The following CHCT1 variants were observed in gnomAD, a reference collection of about 807,000 sequenced individuals.
The protein encoded by CHCT1 is CHD1 helical C-terminal domain containing 1.
At chr17:60,427,602 C>A in the CHCT1 span, among the ~76,000 whole-genome samples, 3 of 151,988 alleles carry the variant, frequency 2.0e-5, no homozygotes, top group African/African-American at 7.3e-5. Context: ...TTAGTAGAAA[C>A]GAGGTTTCAC....
the CHCT1 span, chr17:60,426,207 A>T: frequency 6.4e-7 from 1 of 1,551,780 alleles, no homozygotes; most frequent in Non-Finnish European, 8.7e-7. Flanking sequence ...CGAAAGTTGC[A>T]CCTGCCCAGG....
the CHCT1 span, among the ~76,000 whole-genome samples, chr17:60,422,993 C>G: frequency 2.0e-5 from 3 of 152,032 alleles, no homozygotes; most frequent in African/African-American, 7.3e-5. Context: ...GTCCCATCTC[C>G]TCTCCATGCA....
chr17:60,430,973 C>T, the CHCT1 span, among the ~76,000 whole-genome samples: 1 of 152,310 alleles, frequency 6.6e-6, no homozygotes, highest in East Asian at 1.9e-4. Flanking sequence ...TACCCTGGAC[C>T]TGGGTGACAG....
the CHCT1 span, among the ~76,000 whole-genome samples, chr17:60,424,727 G>A: frequency 6.6e-6 from 1 of 152,048 alleles, no homozygotes; most frequent in Non-Finnish European, 1.5e-5. Context: ...TACAAAATTA[G>A]CCAGGCGTTG....
chr17:60,431,277 T>A, the CHCT1 span: 3 of 1,586,198 alleles, frequency 1.9e-6, no homozygotes, highest in East Asian at 2.3e-5. Context: ...GAAGACCAAC[T>A]GGGACAAAGG....
At chr17:60,425,610 G>C in the CHCT1 span, among the ~76,000 whole-genome samples, 7 of 152,232 alleles carry the variant, frequency 4.6e-5, no homozygotes, top group Non-Finnish European at 4.4e-5. Flanking sequence ...TCTAAGCAGA[G>C]ATTTTCAGAG....
the CHCT1 span, chr17:60,429,213 A>C: frequency 1.2e-6 from 1 of 805,852 alleles, no homozygotes; most frequent in Non-Finnish European, 1.9e-6. Context: ...TTTCTCTCCC[A>C]CATCTGTGAT....
chr17:60,421,950 A>C, the CHCT1 span: 3 of 985,324 alleles, frequency 3.0e-6, no homozygotes, highest in Non-Finnish European at 3.6e-6. Flanking sequence ...GGGGAGGGTT[A>C]CAGAGCCCGT....
At chr17:60,421,432 C>A in the CHCT1 span, 1 of 985,578 alleles carries the variant, frequency 1.0e-6, no homozygotes, top group Non-Finnish European at 1.2e-6. Context: ...AGGGGAGGCC[C>A]GGGCCGACGG....
At chr17:60,421,700 C>T in the CHCT1 span, 1 of 813,218 alleles carries the variant, frequency 1.2e-6, no homozygotes, top group Non-Finnish European at 1.5e-6. Context: ...TCCTGAGCAC[C>T]TCCCGGCCCT....
At chr17:60,424,874 A>G in the CHCT1 span, among the ~76,000 whole-genome samples, 351 of 152,002 alleles carry the variant, frequency 2.3e-3, 2 homozygotes, top group African/African-American at 8.3e-3. Context: ...AAAAAAAAAA[A>G]GGAATTCCAT....
chr17:60,429,328 C>T, the CHCT1 span: 1 of 1,594,174 alleles, frequency 6.3e-7, no homozygotes, highest in Non-Finnish European at 8.6e-7. Context: ...CCCCTCTTCT[C>T]AACACTCTCC....
chr17:60,423,396 T>C, the CHCT1 span, among the ~76,000 whole-genome samples: 1 of 152,078 alleles, frequency 6.6e-6, no homozygotes, highest in Non-Finnish European at 1.5e-5. Flanking sequence ...TTTCGCCATG[T>C]TGGCCAGGCT....
At chr17:60,426,081 C>G in the CHCT1 span, 5 of 1,453,480 alleles carry the variant, frequency 3.4e-6, no homozygotes, top group South Asian at 1.3e-5. Flanking sequence ...GCGGCCAGAC[C>G]GGTGTGCTGG....
At chr17:60,421,788 G>C in the CHCT1 span, 55 of 941,886 alleles carry the variant, frequency 5.8e-5, no homozygotes, top group Non-Finnish European at 6.7e-5. Flanking sequence ...GAGGGCTCGC[G>C]GGTAGGAAGA....
At chr17:60,430,122 C>CCT in the CHCT1 span, among the ~76,000 whole-genome samples, 1 of 64,316 alleles carries the variant, frequency 1.6e-5, no homozygotes, top group African/African-American at 3.5e-5. Context: ...ACGCACCTGG[C>CCT]TTTTTTTTTT....
chr17:60,431,336 G>A, the CHCT1 span: 1 of 1,063,758 alleles, frequency 9.4e-7, no homozygotes. Context: ...ACCAAAAAGG[G>A]AAAAGAATTG....
the CHCT1 span, chr17:60,431,166 C>T: frequency 6.4e-7 from 1 of 1,555,916 alleles, no homozygotes; most frequent in Non-Finnish European, 8.8e-7. Context: ...CTGTCTCTGA[C>T]CTTCTCTTTT....
the CHCT1 span, chr17:60,426,704 C>G: frequency 2.5e-6 from 4 of 1,606,670 alleles, no homozygotes; most frequent in East Asian, 2.2e-5. Flanking sequence ...AGCCTAGGGT[C>G]TCCCCCTTTG....
Sources: gnomAD v4.1 joint callset for allele counts (sites outside exome capture counted in the v4.1 genomes callset) on GRCh38, gnomAD v4.1.1 for gene constraint, MANE v1.5 for transcripts, NCBI Gene and HGNC (gene_info 2026-07-23, HGNC 2026-07-21) for gene names.